ADGRL2: variants seen among roughly 807,000 people sequenced by gnomAD.
ADGRL2 encodes the protein adhesion G protein-coupled receptor L2.
Under a neutral mutation model 157.4 loss-of-function variants are expected in ADGRL2, and 44 were observed. The ratio of observed to expected loss-of-function variants is 0.28; its 90% confidence interval spans 0.22 to 0.36. ADGRL2 has a LOEUF of 0.36. Ranked by LOEUF, ADGRL2 falls within the 10% of genes least tolerant of loss-of-function variation. The pLI, the probability that ADGRL2 is intolerant of heterozygous loss-of-function variation, is 1.00. For missense variants in ADGRL2, 1,510 were observed against 1,768.9 expected, an observed-to-expected ratio of 0.85 and a Z score of 2.63; for synonymous variants, 585 against 624.7, an observed-to-expected ratio of 0.94 and a Z score of 0.95.
chr1:81,726,217 C>T (rs758259508), intron 1 of ADGRL2, among the ~76,000 whole-genome samples: 2 of 152,206 alleles, frequency 1.3e-5, no homozygotes, highest in Non-Finnish European at 2.9e-5. Flanking sequence ...GAGAACTTCT[C>T]TCTCACAACC....
chr1:81,948,263 A>G (rs1650572307), intron 6 of ADGRL2, among the ~76,000 whole-genome samples: 1 of 63,128 alleles, frequency 1.6e-5, no homozygotes, highest in Non-Finnish European at 3.3e-5. Flanking sequence ...AAAATAAATT[A>G]TCAAAAAAAA....
intron 3 of ADGRL2, among the ~76,000 whole-genome samples, chr1:81,934,177 A>T (rs1432166521): frequency 6.6e-6 from 1 of 152,090 alleles, no homozygotes; most frequent in Non-Finnish European, 1.5e-5. Context: ...AATAAAAATT[A>T]TGTGGTTGGT....
intron 1 of ADGRL2, among the ~76,000 whole-genome samples, chr1:81,328,989 T>C (rs1661089815): frequency 6.6e-6 from 1 of 152,046 alleles, no homozygotes; most frequent in Non-Finnish European, 1.5e-5. Context: ...TATCAACTTA[T>C]TTAGGATAGA....
At chr1:81,342,052 ACAGT>A (rs1389677820) in intron 1 of ADGRL2, among the ~76,000 whole-genome samples, 1 of 152,146 alleles carries the variant, frequency 6.6e-6, no homozygotes, top group Non-Finnish European at 1.5e-5. Flanking sequence ...TTAGTTAGTG[ACAGT>A]CAGATTTCCA....
intron 3 of ADGRL2, among the ~76,000 whole-genome samples, chr1:81,924,220 T>C (rs1310360608): frequency 5.9e-5 from 9 of 151,586 alleles, no homozygotes; most frequent in African/African-American, 1.9e-4. Context: ...CCACTGGGAG[T>C]TGGAAAATAG....
chr1:81,959,541 A>G (rs1361350135), intron 11 of ADGRL2, among the ~76,000 whole-genome samples: 2 of 152,168 alleles, frequency 1.3e-5, no homozygotes, highest in Non-Finnish European at 2.9e-5. Flanking sequence ...GCATCTGGCT[A>G]ATCCTGTTCC....
intron 2 of ADGRL2, among the ~76,000 whole-genome samples, chr1:81,446,600 T>G (rs2077601490): frequency 6.6e-6 from 1 of 152,194 alleles, no homozygotes; most frequent in African/African-American, 2.4e-5. Context: ...TAATTTTCTT[T>G]CAGGAGTAAG....
intron 1 of ADGRL2, among the ~76,000 whole-genome samples, chr1:81,820,910 C>T (rs2149846545): frequency 6.6e-6 from 1 of 152,090 alleles, no homozygotes; most frequent in East Asian, 1.9e-4. Context: ...GCCTATAATC[C>T]CTGCCCCCAA....
At chr1:81,823,023 T>C (rs1218345013) in intron 1 of ADGRL2, among the ~76,000 whole-genome samples, 1 of 152,116 alleles carries the variant, frequency 6.6e-6, no homozygotes, top group Non-Finnish European at 1.5e-5. Flanking sequence ...TTCTGCCTTA[T>C]AGATTGACAC....
At chr1:81,837,159 A>T (rs111904027) in intron 2 of ADGRL2, 102 bp downstream of exon 2, 2 of 556,022 alleles carry the variant, frequency 3.6e-6, no homozygotes, top group African/African-American at 2.0e-5. Flanking sequence ...TTATTTTAAA[A>T]ATAGGTGTTA....
upstream of ADGRL2, among the ~76,000 whole-genome samples, chr1:81,696,602 A>T (rs926629315): frequency 4.6e-5 from 7 of 152,086 alleles, no homozygotes; most frequent in Non-Finnish European, 8.8e-5. Flanking sequence ...AATACAAAAA[A>T]TTAGCCGGGT....
At chr1:81,654,160 G>T (rs1439939197) in intron 3 of ADGRL2, among the ~76,000 whole-genome samples, 1 of 152,044 alleles carries the variant, frequency 6.6e-6, no homozygotes, top group Non-Finnish European at 1.5e-5. Context: ...TGGCCAGGCT[G>T]GTCTCGAACT....
intron 2 of ADGRL2, among the ~76,000 whole-genome samples, chr1:81,559,539 A>G (rs992107136): frequency 4.6e-5 from 7 of 152,176 alleles, no homozygotes; most frequent in African/African-American, 7.2e-5. Context: ...TTATAAGAAT[A>G]AAATATAAGC....
chr1:81,913,327 G>C (rs951076569), intron 3 of ADGRL2, among the ~76,000 whole-genome samples: 6 of 152,210 alleles, frequency 3.9e-5, no homozygotes, highest in African/African-American at 1.2e-4. Context: ...ATATGTATGT[G>C]CATTACTTTG....
intron 2 of ADGRL2, among the ~76,000 whole-genome samples, chr1:81,577,220 A>G (rs2080815495): frequency 6.6e-6 from 1 of 152,150 alleles, no homozygotes; most frequent in African/African-American, 2.4e-5. Flanking sequence ...TGATGTTTTC[A>G]TCGGTAGCAT....
intron 2 of ADGRL2, among the ~76,000 whole-genome samples, chr1:81,463,760 T>C (rs1211407869): frequency 1.3e-5 from 2 of 152,220 alleles, no homozygotes; most frequent in Admixed American, 6.5e-5. Flanking sequence ...AAGGTCGTGT[T>C]CAAGGCTGGG....
At chr1:81,549,690 A>C (rs528698499) in intron 2 of ADGRL2, among the ~76,000 whole-genome samples, 13 of 152,326 alleles carry the variant, frequency 8.5e-5, no homozygotes, top group South Asian at 4.1e-4. Flanking sequence ...ATAACATGTA[A>C]ACAAGATCAC....
intron 3 of ADGRL2, among the ~76,000 whole-genome samples, chr1:81,663,833 A>G (rs1203228775): frequency 6.6e-6 from 1 of 152,202 alleles, no homozygotes; most frequent in Non-Finnish European, 1.5e-5. Flanking sequence ...AGAATTGGCT[A>G]CTTGTTCTCA....
intron 1 of ADGRL2, among the ~76,000 whole-genome samples, chr1:81,339,819 T>C (rs979067903): frequency 3.3e-5 from 5 of 152,224 alleles, no homozygotes; most frequent in African/African-American, 9.6e-5. Context: ...TTTCTTTCCT[T>C]TCTCTGACCT....
Sources: gnomAD v4.1 joint callset for allele counts (sites outside exome capture counted in the v4.1 genomes callset) on GRCh38, gnomAD v4.1.1 for gene constraint, MANE v1.5 for transcripts, NCBI Gene and HGNC (gene_info 2026-07-23, HGNC 2026-07-21) for gene names.